The following PRKCE variants were observed in gnomAD, a reference collection of about 807,000 sequenced individuals.
The protein encoded by PRKCE is protein kinase C epsilon type.
Under a neutral mutation model 85.4 loss-of-function variants are expected in PRKCE, and 16 were observed. The ratio of observed to expected loss-of-function variants is 0.19; its 90% CI spans 0.13 to 0.28. PRKCE has a LOEUF of 0.28. PRKCE is among the 10% of genes least tolerant of loss of function. PRKCE has a pLI of 1.00. For missense variants in PRKCE, 573 were observed against 975.2 expected (o/e 0.59, Z 5.49); for synonymous variants, 388 against 371.5 (o/e 1.04, Z -0.51).
Position 45,796,122 on chromosome 2 carries a change from TGAAC to T in PRKCE, c.349-46877_349-46874del, listed in dbSNP as rs553864505. Among the ~76,000 whole-genome samples the T allele has an allele frequency of 3.5e-4, 53 of 152,352 alleles. 1 individual carries two copies. Among genetic ancestry groups the T allele is most frequent in the South Asian group, 2.7e-3 (13 of 4,826 alleles). The stretch of plus-strand genomic sequence containing the variant: ...GAATGCCCTTCCCTGCTCTACTTGC[TGAAC>T]TCCAGCTAATTCTTTGATGTCTTCT... On this transcript the variant is annotated intron_variant, in intron 1 of 14. Coordinates refer to ENST00000306156, the MANE Select transcript of PRKCE (RefSeq NM_005400.3).
At position 46,001,380 on chromosome 2, in the gene PRKCE, T is replaced by C. The variant is rs756258618; in HGVS notation, c.824-24T>C. ...ATCTTAGGCCATGAACACTTATCTG[T>C]CTTTTCTCCATGTCTCCTTACAGTC... On this transcript the variant is annotated intron_variant, in intron 6 of 14. Transcript: ENST00000306156. The surrounding 1 kb of genome is among the most constrained non-coding windows in gnomAD (Gnocchi z 4.4). 3 of 1,591,678 alleles carry C rather than the reference T, an allele frequency of 1.9e-6. No homozygotes were observed. The East Asian group carries it at 6.7e-5, about 36-fold the overall frequency.
At chr2:45,953,496 C>G (rs765524941) in intron 2 of PRKCE, among the ~76,000 whole-genome samples, 2 of 152,188 alleles carry the variant, frequency 1.3e-5, no homozygotes, top group African/African-American at 4.8e-5. Context: ...CTCTGGAACA[C>G]CTCTCCTGGA....
chr2:45,917,840 C>G (rs547629020), intron 2 of PRKCE, among the ~76,000 whole-genome samples: 125 of 152,324 alleles, frequency 8.2e-4, no homozygotes, highest in Admixed American at 2.0e-3. Context: ...TAAGGCCCGG[C>G]GAGAAATCGA....
chr2:46,111,604 T>C (rs1043244622), intron 11 of PRKCE, among the ~76,000 whole-genome samples: 1 of 152,248 alleles, frequency 6.6e-6, no homozygotes, highest in Non-Finnish European at 1.5e-5. Context: ...CATGGTTATT[T>C]GTTACTGGCT....
chr2:45,707,159 C>T (rs183745228), intron 1 of PRKCE, among the ~76,000 whole-genome samples: 5 of 152,306 alleles, frequency 3.3e-5, no homozygotes, highest in Admixed American at 6.5e-5. Context: ...CCTCGTGGAT[C>T]GCAGTTCATT....
At chr2:45,876,483 A>G (rs957875489) in intron 2 of PRKCE, among the ~76,000 whole-genome samples, 12 of 152,214 alleles carry the variant, frequency 7.9e-5, no homozygotes, top group African/African-American at 2.4e-4. Flanking sequence ...GTGGTCATAC[A>G]CGTTGTCTCC....
chr2:46,183,694 C>A (rs1340127230), intron 14 of PRKCE, among the ~76,000 whole-genome samples: 2 of 152,210 alleles, frequency 1.3e-5, no homozygotes, highest in African/African-American at 4.8e-5. Flanking sequence ...CTGTTCCCTG[C>A]CTTTGTTCCA....
intron 1 of PRKCE, among the ~76,000 whole-genome samples, chr2:45,734,168 C>A (rs1271114998): frequency 6.6e-6 from 1 of 152,092 alleles, no homozygotes; most frequent in Admixed American, 6.5e-5. Context: ...AGATTGAGAC[C>A]ATCCTGGCCA....
At chr2:45,837,404 A>G (rs1690970743) in intron 1 of PRKCE, among the ~76,000 whole-genome samples, 1 of 152,142 alleles carries the variant, frequency 6.6e-6, no homozygotes, top group African/African-American at 2.4e-5. Flanking sequence ...CTACAGGTGC[A>G]TGCCTCCACA....
In PRKCE at chr2:45,697,367, A is replaced by C. The variant is rs185832153; in HGVS notation, c.348+44919A>C. On this transcript the variant is annotated intron_variant, in intron 1 of 14. Coordinates refer to ENST00000306156, the MANE Select transcript of PRKCE (RefSeq NM_005400.3). This position sits in a 1 kb window ranked among gnomAD's most constrained non-coding sequence, Gnocchi z 4.2. ...GACGCTGTTGCCCTCTCTGCCTCTT[A>C]ATGGCGCTCTGACCTTCTATTGTTT... 2.7e-5 allele frequency among the ~76,000 whole-genome samples: 4 copies of C among 149,740 alleles called. No homozygotes were observed. Among genetic ancestry groups the C allele is most frequent in the Admixed American group, 1.3e-4 (2 of 14,910 alleles).
chr2:46,141,243 C>T (rs993580023), intron 11 of PRKCE, among the ~76,000 whole-genome samples: 3 of 152,162 alleles, frequency 2.0e-5, no homozygotes, highest in Non-Finnish European at 4.4e-5. Flanking sequence ...CCCTAAATGT[C>T]CCCCAATAAA....
chr2:45,791,157 G>C (rs1687003179), intron 1 of PRKCE, among the ~76,000 whole-genome samples: 1 of 152,214 alleles, frequency 6.6e-6, no homozygotes, highest in Admixed American at 6.5e-5. Flanking sequence ...GGGGCTTGGG[G>C]ACTAGGGATA....
intron 2 of PRKCE, among the ~76,000 whole-genome samples, chr2:45,922,026 C>T (rs1373072444): frequency 1.3e-5 from 2 of 152,164 alleles, no homozygotes; most frequent in African/African-American, 4.8e-5. Context: ...ACTCTGAGAT[C>T]ACAAAAACAA....
intron 1 of PRKCE, among the ~76,000 whole-genome samples, chr2:45,654,859 G>C (rs1182571378): frequency 1.3e-5 from 2 of 152,134 alleles, no homozygotes; most frequent in Admixed American, 6.5e-5. Context: ...ACAAGTTGCA[G>C]CTGGGCTAAG....
At chr2:46,067,306 T>C (rs1251318154) in intron 10 of PRKCE, among the ~76,000 whole-genome samples, 1 of 152,214 alleles carries the variant, frequency 6.6e-6, no homozygotes, top group Non-Finnish European at 1.5e-5. Context: ...AAAATAATTT[T>C]ATTTAAACAG....
intron 2 of PRKCE, among the ~76,000 whole-genome samples, chr2:45,844,139 G>A (rs946453119): frequency 1.3e-5 from 2 of 152,304 alleles, no homozygotes; most frequent in South Asian, 4.1e-4. Context: ...GCTTGACAGT[G>A]GTGCCTGATG....
At chr2:45,712,640 C>T (rs928212203) in intron 1 of PRKCE, among the ~76,000 whole-genome samples, 5 of 152,190 alleles carry the variant, frequency 3.3e-5, no homozygotes, top group Non-Finnish European at 4.4e-5. Flanking sequence ...TGATCTGCTA[C>T]ACCTCTGGGG....
chr2:45,892,203 C>A lies in PRKCE; in HGVS notation c.412+49140C>A, dbSNP rs139424836. 1.5e-3 allele frequency among the ~76,000 whole-genome samples: 222 copies of A among 152,312 alleles called. 1 individual carries two copies. Among genetic ancestry groups the A allele is most frequent in the Admixed American group, 0.012 (179 of 15,302 alleles). On this transcript the variant is annotated intron_variant, in intron 2 of 14. Transcript: ENST00000306156. ...ATCTGTTCCACTCAGGTTCTGCTGA[C>A]CTCCCCAGAGAGAGGTGACAGCTTT... is the stretch of plus-strand genomic sequence containing the variant.
chr2:45,680,728 T>G (rs188979403), intron 1 of PRKCE, among the ~76,000 whole-genome samples: 1 of 152,328 alleles, frequency 6.6e-6, no homozygotes, highest in Admixed American at 6.5e-5. Flanking sequence ...TGTAGAGTCT[T>G]TCCAATAGCC....
Sources: allele counts gnomAD v4.1 joint callset (sites outside exome capture counted in the v4.1 genomes callset), GRCh38; gene constraint gnomAD v4.1.1; non-coding constraint Gnocchi (gnomAD v3.1); transcripts MANE v1.5; gene names NCBI Gene and HGNC (gene_info 2026-07-23, HGNC 2026-07-21).